The following RABL3 variants were observed in gnomAD, a reference collection of about 807,000 sequenced individuals.
The protein encoded by RABL3 is RAB, member of RAS oncogene family like 3.
RABL3 carries 31 observed loss-of-function variants against 31.8 expected under a neutral mutation model. The ratio of observed to expected loss-of-function variants is 0.97; its 90% CI spans 0.73 to 1.31. The LOEUF is 1.31. Ranked by LOEUF, RABL3 falls within the 40% of genes most tolerant of loss-of-function variation. The pLI is 0.00. For synonymous variants in RABL3, 97 were observed against 99.9 expected (o/e 0.97, Z 0.18); for missense variants, 263 against 279.6 (o/e 0.94, Z 0.42).
intron 2 of RABL3, among the ~76,000 whole-genome samples, chr3:120,713,554 T>A (rs756016797): frequency 5.3e-5 from 8 of 152,142 alleles, no homozygotes; most frequent in Non-Finnish European, 1.0e-4. Flanking sequence ...GTTTTATATT[T>A]AAAGCAGGTC....
At chr3:120,712,495 T>C (rs1292187499) in intron 2 of RABL3, among the ~76,000 whole-genome samples, 3 of 152,178 alleles carry the variant, frequency 2.0e-5, no homozygotes, top group Non-Finnish European at 2.9e-5. Context: ...GTAAGTTATC[T>C]GTTATGAAAA....
chr3:120,736,090 G>A (rs1353463904), intron 1 of RABL3, among the ~76,000 whole-genome samples: 3 of 152,152 alleles, frequency 2.0e-5, no homozygotes, highest in Admixed American at 2.0e-4. Context: ...TTCAATTCCT[G>A]GATATGCTTG....
chr3:120,730,521 G>A (rs997191073), intron 2 of RABL3, among the ~76,000 whole-genome samples, 175 bp downstream of exon 2: 2 of 152,138 alleles, frequency 1.3e-5, no homozygotes, highest in Non-Finnish European at 2.9e-5. Context: ...TTTTAAAAAG[G>A]TGAAATAAGA....
In RABL3 at chr3:120,689,724, G is replaced by T; in HGVS notation, c.*99C>A. The T allele has an allele frequency of 1.2e-6, 1 of 836,632 alleles. No individual in the cohort carries two copies. The highest frequency in any genetic ancestry group is 2.0e-6 in the Non-Finnish European group (1 of 498,842). 51.8% of individuals were successfully genotyped at this position (836,632 alleles called of 1,614,324 possible). On this transcript the variant is annotated 3_prime_UTR_variant, in exon 8 of 8. Coordinates refer to ENST00000273375, the MANE Select transcript of RABL3 (RefSeq NM_173825.5). ...AGGCTGAAGGGTAGCATTTTAAGAT[G>T]ATTTTGTTAAAAGGCTGTGATGGTA...
intron 1 of RABL3, 95 bp downstream of exon 1, chr3:120,742,367 C>A: frequency 2.5e-6 from 3 of 1,189,818 alleles, no homozygotes; most frequent in Non-Finnish European, 3.8e-6. Flanking sequence ...AGCCACGGGC[C>A]GAGGAGCCAG....
At chr3:120,694,085 TA>T in intron 6 of RABL3, 67 bp downstream of exon 6, 1 of 1,014,604 alleles carries the variant, frequency 9.9e-7, no homozygotes, top group Admixed American at 2.1e-5. Context: ...CATAGGATTC[TA>T]CAAAAAAATT....
At chr3:120,699,368 T>A (rs1349172685) in intron 4 of RABL3, among the ~76,000 whole-genome samples, 1 of 152,204 alleles carries the variant, frequency 6.6e-6, no homozygotes, top group African/African-American at 2.4e-5. Context: ...CCTTATTTTT[T>A]AAAAAATTTA....
chr3:120,735,145 T>C (rs1708940155), intron 1 of RABL3, among the ~76,000 whole-genome samples: 1 of 152,244 alleles, frequency 6.6e-6, no homozygotes, highest in South Asian at 2.1e-4. Context: ...GTACCTCTGG[T>C]AGAATTCAGC....
chr3:120,713,262 C>T (rs958654573), intron 2 of RABL3, among the ~76,000 whole-genome samples: 4 of 152,196 alleles, frequency 2.6e-5, no homozygotes, highest in Non-Finnish European at 4.4e-5. Context: ...CTAGTCAAAT[C>T]CTTTCCTGTT....
intron 1 of RABL3, among the ~76,000 whole-genome samples, chr3:120,732,703 T>C (rs1708900704): frequency 1.6e-5 from 2 of 123,712 alleles, no homozygotes; most frequent in Middle Eastern, 3.9e-3. Context: ...CCCAGTGCTA[T>C]CCCTCCCCCC....
At chr3:120,730,635 G>A in intron 2 of RABL3, 61 bp downstream of exon 2, 2 of 1,100,614 alleles carry the variant, frequency 1.8e-6, no homozygotes, top group South Asian at 2.6e-5. Context: ...ATTTGATCAT[G>A]TAATTTGAAG....
chr3:120,713,790 T>C (rs954469100), intron 2 of RABL3, among the ~76,000 whole-genome samples: 2 of 151,566 alleles, frequency 1.3e-5, no homozygotes, highest in Non-Finnish European at 2.9e-5. Context: ...ATTTGAAGAG[T>C]TCATTCATTG....
At chr3:120,734,121 A>G (rs953484775) in intron 1 of RABL3, among the ~76,000 whole-genome samples, 1 of 152,192 alleles carries the variant, frequency 6.6e-6, no homozygotes, top group Non-Finnish European at 1.5e-5. Context: ...CATTGAATCT[A>G]TAAATTACCT....
At chr3:120,733,014 A>C (rs1382025990) in intron 1 of RABL3, among the ~76,000 whole-genome samples, 3 of 152,216 alleles carry the variant, frequency 2.0e-5, no homozygotes, top group African/African-American at 7.2e-5. Flanking sequence ...ATAGTGCTGC[A>C]GTAAACATAC....
intron 2 of RABL3, among the ~76,000 whole-genome samples, chr3:120,727,983 A>G (rs1487424460): frequency 2.0e-5 from 3 of 152,208 alleles, no homozygotes; most frequent in Non-Finnish European, 2.9e-5. Context: ...ACTTTACTAA[A>G]TAGTGTTATA....
intron 4 of RABL3, among the ~76,000 whole-genome samples, chr3:120,701,867 A>C (rs956226255): frequency 1.1e-3 from 161 of 152,202 alleles, no homozygotes; most frequent in African/African-American, 3.7e-3. Context: ...CAGTGAATGC[A>C]ACTATAAAAC....
intron 2 of RABL3, among the ~76,000 whole-genome samples, chr3:120,719,219 T>TGGAGCCAGGATGGCCGAATA (rs1485546112): frequency 6.6e-6 from 1 of 152,054 alleles, no homozygotes; most frequent in African/African-American, 2.4e-5. Flanking sequence ...GTGGGGAGGG[T>TGGAGCCAGGATGGCCGAATA]GGAGCCAGGA....
intron 2 of RABL3, among the ~76,000 whole-genome samples, chr3:120,728,055 A>C (rs1312811451): frequency 1.3e-5 from 2 of 152,232 alleles, no homozygotes; most frequent in Non-Finnish European, 2.9e-5. Context: ...CTTCTATTCA[A>C]CATTGTACTG....
intron 3 of RABL3, among the ~76,000 whole-genome samples, chr3:120,708,587 A>G (rs766156451): frequency 5.3e-5 from 8 of 152,090 alleles, no homozygotes; most frequent in Admixed American, 1.3e-4. Flanking sequence ...TCACTCTAGT[A>G]TAAGTCTAAA....
Sources: gnomAD v4.1 joint callset for allele counts (sites outside exome capture counted in the v4.1 genomes callset) on GRCh38, gnomAD v4.1.1 for gene constraint, MANE v1.5 for transcripts, NCBI Gene and HGNC (gene_info 2026-07-23, HGNC 2026-07-21) for gene names.